The following DIS3L variants were observed in gnomAD, a reference collection of about 807,000 sequenced individuals.
The protein encoded by DIS3L is DIS3 like exosome 3'-5' exoribonuclease.
In DIS3L, 100 loss-of-function variants were observed where a neutral mutation model predicts 120.3. That is an observed-to-expected ratio of 0.83 (90% CI 0.71 to 0.98). The LOEUF (loss-of-function observed/expected upper bound fraction) is 0.98, where lower values mean the gene tolerates loss of function less well. Ranked by LOEUF, DIS3L falls within the 50% of genes least tolerant of loss-of-function variation. The probability of loss-of-function intolerance (pLI) is 0.00; values close to 1 mark genes in which losing one functional copy is unlikely to be tolerated. For missense variants in DIS3L, 1,196 were observed against 1,314.2 expected (o/e 0.91, Z 1.39); for synonymous variants, 426 against 470.6 (o/e 0.91, Z 1.23).
intron 3 of DIS3L, among the ~76,000 whole-genome samples, chr15:66,307,532 G>A (rs1420391813): frequency 6.6e-6 from 1 of 152,108 alleles, no homozygotes; most frequent in Non-Finnish European, 1.5e-5. Context: ...CAGTTCCTGA[G>A]TTCAAGCAAT....
chr15:66,311,213 A>T (rs1014800144), intron 4 of DIS3L, among the ~76,000 whole-genome samples: 2 of 152,066 alleles, frequency 1.3e-5, no homozygotes, highest in African/African-American at 2.4e-5. Flanking sequence ...AAATAAAAAA[A>T]TTAGCCATGT....
At chr15:66,313,757 G>GTGTGTGTGTGTGTATATATATA (rs1262572444) in intron 5 of DIS3L, among the ~76,000 whole-genome samples, 4 of 131,912 alleles carry the variant, frequency 3.0e-5, no homozygotes, top group Non-Finnish European at 3.5e-5. Context: ...AAGTGTATAT[G>GTGTGTGTGTGTGTATATATATA]TGTGTGTGTG....
At chr15:66,314,465 T>A (rs962549975) in intron 6 of DIS3L, among the ~76,000 whole-genome samples, 22 of 152,098 alleles carry the variant, frequency 1.4e-4, no homozygotes, top group African/African-American at 5.3e-4. Context: ...TTGGAGTAAA[T>A]TTTTTTTAAG....
chr15:66,317,569 C>T (rs2092832316), intron 7 of DIS3L, among the ~76,000 whole-genome samples: 2 of 151,854 alleles, frequency 1.3e-5, no homozygotes, highest in South Asian at 4.1e-4. Flanking sequence ...ATTGACTTTT[C>T]CCAATATACC....
chr15:66,309,364 C>T (rs917360413), intron 4 of DIS3L, among the ~76,000 whole-genome samples: 16 of 151,736 alleles, frequency 1.1e-4, no homozygotes, highest in African/African-American at 3.9e-4. Context: ...GCCCAGTAAA[C>T]TCCTACTGAC....
At chr15:66,319,791 CCTT>C (rs1223478286) in intron 8 of DIS3L, among the ~76,000 whole-genome samples, 1 of 151,940 alleles carries the variant, frequency 6.6e-6, no homozygotes, top group Non-Finnish European at 1.5e-5. Context: ...TTACACGACA[CCTT>C]CTTCTCCACC....
chr15:66,326,496 T>G, intron 12 of DIS3L, 132 bp downstream of exon 12: 1 of 1,019,926 alleles, frequency 9.8e-7, no homozygotes, highest in Admixed American at 2.9e-5. Context: ...TCTCCTCATT[T>G]TTGAAGACAC....
At chr15:66,307,560 C>G (rs984842765) in intron 3 of DIS3L, among the ~76,000 whole-genome samples, 4 of 152,020 alleles carry the variant, frequency 2.6e-5, no homozygotes, top group Admixed American at 2.0e-4. Context: ...TCTTGGCCTC[C>G]CAAAGTGCTG....
At chr15:66,310,487 G>T (rs955428884) in intron 4 of DIS3L, among the ~76,000 whole-genome samples, 1 of 152,190 alleles carries the variant, frequency 6.6e-6, no homozygotes, top group African/African-American at 2.4e-5. Flanking sequence ...GTAGAAAAAA[G>T]AGATATTGTG....
intron 4 of DIS3L, among the ~76,000 whole-genome samples, chr15:66,309,094 A>AAAAAAAAAAAAAAAAAAAATATAT: frequency 6.5e-5 from 1 of 15,320 alleles, no homozygotes; most frequent in Non-Finnish European, 1.2e-4. Context: ...AAAAAAAAAA[A>AAAAAAAAAAAAAAAAAAAATATAT]ATATATATAT....
Position 66,332,038 on chromosome 15 carries a change from C to T in DIS3L, c.2681+18C>T. On this transcript the variant is annotated intron_variant, in intron 15 of 16. Coordinates refer to ENST00000319212, the MANE Select transcript of DIS3L (RefSeq NM_001143688.3). The stretch of plus-strand genomic sequence containing the variant: ...ATACCAAGGTATGTTACATCTAATG[C>T]AATGGTGCATAAGAAATCATAGTTA... 6.3e-7 allele frequency: 1 copy of T among 1,595,630 alleles called. No individual in the cohort carries two copies. Among genetic ancestry groups the T allele is most frequent in the Non-Finnish European group, 8.5e-7 (1 of 1,174,294 alleles).
chr15:66,298,179 C>CA (rs11419116), intron 2 of DIS3L, among the ~76,000 whole-genome samples: 22,252 of 45,990 alleles, frequency 0.48, 6,627 homozygotes, highest in African/African-American at 0.54. Flanking sequence ...GACTCCGTCT[C>CA]AAAAAAAAAA....
intron 11 of DIS3L, among the ~76,000 whole-genome samples, chr15:66,325,308 CACTT>C (rs2092924295): frequency 2.0e-5 from 3 of 152,104 alleles, no homozygotes; most frequent in African/African-American, 7.2e-5. Flanking sequence ...GCAGGAGAAT[CACTT>C]GAACCAGGAA....
At chr15:66,318,758 G>T in intron 8 of DIS3L, 140 bp downstream of exon 8, 1 of 936,948 alleles carries the variant, frequency 1.1e-6, no homozygotes, top group Non-Finnish European at 1.5e-6. Context: ...GGCATTCCAA[G>T]ATACTGGGAT....
intron 2 of DIS3L, among the ~76,000 whole-genome samples, chr15:66,296,918 G>A (rs1395817197): frequency 2.0e-5 from 3 of 152,198 alleles, no homozygotes; most frequent in African/African-American, 4.8e-5. Flanking sequence ...TTAGACACAC[G>A]AAGGATAATT....
At chr15:66,323,432 C>A in intron 10 of DIS3L, 61 bp from the exon 11 acceptor site, 2 of 1,556,954 alleles carry the variant, frequency 1.3e-6, no homozygotes, top group African/African-American at 1.4e-5. Context: ...GCGGCCCACA[C>A]AGTCAGCAGT....
chr15:66,325,693 T>A (rs1200065291), intron 11 of DIS3L, 138 bp from the exon 12 acceptor site: 15 of 983,888 alleles, frequency 1.5e-5, no homozygotes, highest in Non-Finnish European at 1.5e-5. Context: ...TCCAGGAGAT[T>A]GAGGCAGCAG....
rs566226512 is a variant in DIS3L at position 66,314,982 on chromosome 15, T to G, written c.815-54T>G. ...GTATATCATGCGCGGAATGCCTCAC[T>G]GGTGTGCCATTCCCTTGGCTTTATG... On this transcript the variant is annotated intron_variant, in intron 6 of 16. Coordinates refer to ENST00000319212, the MANE Select transcript of DIS3L (RefSeq NM_001143688.3). The G allele has an allele frequency of 8.2e-5, 128 of 1,565,100 alleles. No individual in the cohort carries two copies. In the East Asian group the frequency reaches 2.6e-3, roughly 32 times the overall value.
chr15:66,301,271 ATATT>A (rs59588832), intron 2 of DIS3L, among the ~76,000 whole-genome samples: 4,568 of 150,878 alleles, frequency 0.03, 166 homozygotes, highest in Admixed American at 0.074. Flanking sequence ...AGTTGAATTT[ATATT>A]TATTTATTTA....
Sources: gnomAD v4.1 joint callset for allele counts (sites outside exome capture counted in the v4.1 genomes callset) on GRCh38, gnomAD v4.1.1 for gene constraint, MANE v1.5 for transcripts, NCBI Gene and HGNC (gene_info 2026-07-23, HGNC 2026-07-21) for gene names.